Variants in CHRM3 observed in about 807,000 individuals in gnomAD.
CHRM3 encodes cholinergic receptor muscarinic 3, also known as muscarinic acetylcholine receptor M3.
Under a neutral mutation model 41.8 loss-of-function variants are expected in CHRM3, and 11 were observed. That is an observed-to-expected ratio of 0.26 (90% CI 0.17 to 0.44). CHRM3 has a LOEUF of 0.44. Among genes scored for constraint, CHRM3 ranks in the 20% least tolerant of loss-of-function variants. The pLI, the probability that CHRM3 is intolerant of heterozygous loss-of-function variation, is 1.00. For synonymous variants in CHRM3, 297 were observed against 301.4 expected, an observed-to-expected ratio of 0.99 and a Z score of 0.15; for missense variants, 571 against 745.4, an observed-to-expected ratio of 0.77 and a Z score of 2.72.
intron 2 of CHRM3, among the ~76,000 whole-genome samples, chr1:239,519,879 C>CT (rs1170414119): frequency 2.7e-5 from 4 of 150,556 alleles, no homozygotes; most frequent in Non-Finnish European, 5.9e-5. Flanking sequence ...TCCCTAGTAG[C>CT]TGGGACCACA....
intron 5 of CHRM3, among the ~76,000 whole-genome samples, chr1:239,806,774 GTT>G (rs1457012335): frequency 6.6e-6 from 1 of 152,148 alleles, no homozygotes; most frequent in Non-Finnish European, 1.5e-5. Context: ...TCTTTTAGTT[GTT>G]CAGAATAGGC....
rs10592228 is a variant in CHRM3 at position 239,589,638 on chromosome 1, C to CTA, written c.-312-42555_-312-42554dup. ...AATTTCCATGCATATATATAAAAAA[C>CTA]TATATATATATATATATATATATAT... is the stretch of plus-strand genomic sequence containing the variant. On this transcript the variant is annotated intron_variant, in intron 3 of 6. Transcript: ENST00000676153. Among the ~76,000 whole-genome samples, 1,007 of 124,854 alleles carry CTA rather than the reference C, an allele frequency of 8.1e-3. 7 individuals carry two copies. The highest frequency in any genetic ancestry group is 0.017 in the Admixed American group (208 of 12,290). The allele number at this position is 124,854 out of a possible 152,430, so 81.9% of individuals were successfully genotyped here.
chr1:239,557,058 C>G (rs1258928531), intron 3 of CHRM3, among the ~76,000 whole-genome samples: 1 of 152,030 alleles, frequency 6.6e-6, no homozygotes, highest in Admixed American at 6.6e-5. Flanking sequence ...AGAGACCCTC[C>G]AGGGCTCTGC....
At chr1:239,404,432 AAGAAAG>A (rs1558195946) in intron 1 of CHRM3, among the ~76,000 whole-genome samples, 3 of 118,110 alleles carry the variant, frequency 2.5e-5, no homozygotes, top group African/African-American at 9.0e-5. Context: ...GAAAGAAAGA[AAGAAAG>A]AAAGAAAGAA....
intron 6 of CHRM3, among the ~76,000 whole-genome samples, chr1:239,860,675 T>C (rs1675563754): frequency 1.3e-5 from 2 of 152,326 alleles, no homozygotes; most frequent in South Asian, 4.1e-4. Flanking sequence ...GCAGAGTTTG[T>C]GTTAAGTACT....
chr1:239,457,125 T>C (rs975696184), intron 1 of CHRM3, among the ~76,000 whole-genome samples: 1 of 151,006 alleles, frequency 6.6e-6, no homozygotes, highest in African/African-American at 2.4e-5. Context: ...GTCAAACCAG[T>C]GAAACCATTG....
At chr1:239,692,067 C>T (rs1479494124) in intron 5 of CHRM3, among the ~76,000 whole-genome samples, 1 of 152,206 alleles carries the variant, frequency 6.6e-6, no homozygotes, top group Non-Finnish European at 1.5e-5. Flanking sequence ...TTTCCTTCCT[C>T]CATATCTAAG....
chr1:239,889,858 T>C (rs1419658331), intron 6 of CHRM3, among the ~76,000 whole-genome samples: 1 of 152,174 alleles, frequency 6.6e-6, no homozygotes, highest in East Asian at 1.9e-4. Flanking sequence ...AGGAGTATAG[T>C]GTACATTTCA....
intron 1 of CHRM3, among the ~76,000 whole-genome samples, chr1:239,429,924 C>A (rs1306992415): frequency 6.6e-6 from 1 of 151,406 alleles, no homozygotes; most frequent in African/African-American, 2.4e-5. Flanking sequence ...AAATAAATGC[C>A]CAAAGTGTGT....
At chr1:239,493,619 A>G (rs565250994) in intron 2 of CHRM3, among the ~76,000 whole-genome samples, 80 of 152,296 alleles carry the variant, frequency 5.3e-4, no homozygotes, top group African/African-American at 1.9e-3. Context: ...TGATAAAAGC[A>G]AGAGTTTTGT....
chr1:239,727,993 C>A (rs371936894), intron 5 of CHRM3, among the ~76,000 whole-genome samples: 2 of 151,890 alleles, frequency 1.3e-5, no homozygotes, highest in African/African-American at 2.4e-5. Context: ...GATGGGACAC[C>A]CCAATCAAGC....
At chr1:239,727,384 G>A (rs971937544) in intron 5 of CHRM3, among the ~76,000 whole-genome samples, 1 of 152,012 alleles carries the variant, frequency 6.6e-6, no homozygotes, top group African/African-American at 2.4e-5. Context: ...CCACAGTGAG[G>A]CACTCTCTCT....
chr1:239,903,595 G>C (rs1325253555), intron 6 of CHRM3, among the ~76,000 whole-genome samples: 1 of 152,198 alleles, frequency 6.6e-6, no homozygotes, highest in East Asian at 1.9e-4. Flanking sequence ...GGTCAAGGAG[G>C]TGGTGTTCAC....
At chr1:239,415,702 G>A (rs1396442369) in intron 1 of CHRM3, among the ~76,000 whole-genome samples, 1 of 152,152 alleles carries the variant, frequency 6.6e-6, no homozygotes, top group Admixed American at 6.5e-5. Flanking sequence ...GAGCAAGAAG[G>A]ATATGTGGCT....
intron 3 of CHRM3, among the ~76,000 whole-genome samples, chr1:239,558,908 G>A (rs7525710): frequency 0.27 from 40,411 of 152,030 alleles, 6,694 homozygotes; most frequent in Middle Eastern, 0.51. Context: ...TCTTGCATAT[G>A]TATTGCTGAT....
At chr1:239,564,023 T>C (rs1661124819) in intron 3 of CHRM3, among the ~76,000 whole-genome samples, 1 of 152,180 alleles carries the variant, frequency 6.6e-6, no homozygotes. Flanking sequence ...AAGCTCAAGA[T>C]TTTGATGTTT....
intron 4 of CHRM3, among the ~76,000 whole-genome samples, chr1:239,674,709 CAAAA>C (rs34078965): frequency 2.2e-5 from 2 of 92,766 alleles, no homozygotes; most frequent in Non-Finnish European, 2.1e-5. Flanking sequence ...GACTCCATCT[CAAAA>C]AAAAAAAAAA....
At chr1:239,795,566 C>T (rs761956139) in intron 5 of CHRM3, among the ~76,000 whole-genome samples, 6 of 152,056 alleles carry the variant, frequency 3.9e-5, no homozygotes, top group South Asian at 2.1e-4. Flanking sequence ...AATACATGTC[C>T]GTTAAAGACA....
intron 1 of CHRM3, among the ~76,000 whole-genome samples, chr1:239,486,383 A>G (rs1041733763): frequency 6.6e-6 from 1 of 152,074 alleles, no homozygotes; most frequent in African/African-American, 2.4e-5. Context: ...ACCGCCACAA[A>G]CCCCATCCAG....
Sources: allele counts gnomAD v4.1 joint callset (sites outside exome capture counted in the v4.1 genomes callset), GRCh38; gene constraint gnomAD v4.1.1; transcripts MANE v1.5; gene names NCBI Gene and HGNC (gene_info 2026-07-23, HGNC 2026-07-21).